The following CADM2 variants were observed in gnomAD, a reference collection of about 807,000 sequenced individuals.
CADM2 encodes the protein cell adhesion molecule 2, also known as immunoglobulin superfamily member 4D.
CADM2 carries 12 observed loss-of-function variants against 49.8 expected under a neutral mutation model. That is an observed-to-expected ratio of 0.24 (90% CI 0.15 to 0.39). The LOEUF is 0.39. Among genes scored for constraint, CADM2 ranks in the 10% least tolerant of loss-of-function variants. The pLI is 1.00. For synonymous variants in CADM2, 214 were observed against 175.4 expected (o/e 1.22, Z -1.74); for missense variants, 378 against 492.3 (o/e 0.77, Z 2.20).
At chr3:85,407,869 C>T (rs1233391853) in intron 1 of CADM2, among the ~76,000 whole-genome samples, 1 of 151,626 alleles carries the variant, frequency 6.6e-6, no homozygotes, top group Non-Finnish European at 1.5e-5. Flanking sequence ...ACTAGCCTGG[C>T]ATGATGGTGT....
chr3:85,460,874 C>T (rs12631046), intron 1 of CADM2, among the ~76,000 whole-genome samples: 117,573 of 151,952 alleles, frequency 0.77, 47,676 homozygotes, highest in East Asian at 0.95. Flanking sequence ...TAGAGAAAAG[C>T]ACTAAAGCAG....
At chr3:85,593,064 G>A (rs1337111068) in intron 1 of CADM2, among the ~76,000 whole-genome samples, 1 of 151,450 alleles carries the variant, frequency 6.6e-6, no homozygotes, top group Non-Finnish European at 1.5e-5. Flanking sequence ...CCTGCATTTC[G>A]GTTGCTATTT....
intron 3 of CADM2, among the ~76,000 whole-genome samples, chr3:85,861,377 G>C (rs546482888): frequency 6.6e-6 from 1 of 152,182 alleles, no homozygotes; most frequent in Non-Finnish European, 1.5e-5. Context: ...TTGAGAGAAA[G>C]ATAAGAGTTA....
At chr3:85,113,885 A>G (rs2038549782) in intron 1 of CADM2, among the ~76,000 whole-genome samples, 2 of 152,088 alleles carry the variant, frequency 1.3e-5, no homozygotes, top group Non-Finnish European at 2.9e-5. Flanking sequence ...TTCAAGTTTC[A>G]ATAGCTGTAA....
intron 8 of CADM2, among the ~76,000 whole-genome samples, chr3:85,989,440 C>A (rs1728495361): frequency 6.6e-6 from 1 of 151,968 alleles, no homozygotes; most frequent in Admixed American, 6.6e-5. Flanking sequence ...GGACAGGGGA[C>A]CAAAATTCAG....
intron 1 of CADM2, among the ~76,000 whole-genome samples, chr3:85,674,372 G>C (rs962738317): frequency 6.6e-6 from 1 of 152,072 alleles, no homozygotes; most frequent in African/African-American, 2.4e-5. Flanking sequence ...TGTTCTGACT[G>C]TCTAAAGAAT....
Position 86,068,740 on chromosome 3 carries a change from A to G in CADM2, c.*1957A>G, listed in dbSNP as rs1398906929. ...CTTTTTCAGAATATACAGAACATAA[A>G]TAATATGATGTGGTTGAGTGTTAAC... On this transcript the variant is annotated 3_prime_UTR_variant, in exon 10 of 10. Coordinates refer to ENST00000383699, the MANE Select transcript of CADM2 (RefSeq NM_001167675.2). The G allele has an allele frequency of 3.9e-5, 6 of 152,424 alleles. No homozygotes were observed. The highest frequency in any genetic ancestry group is 3.2e-3 in the Middle Eastern group (1 of 316). The allele number at this position is 152,424 out of a possible 1,614,324, so 9.4% of individuals were successfully genotyped here. A position where few individuals can be genotyped will look rare whatever the true frequency, so the allele number is the denominator to read the frequency against.
At chr3:85,269,497 G>T (rs1315416238) in intron 1 of CADM2, among the ~76,000 whole-genome samples, 1 of 151,356 alleles carries the variant, frequency 6.6e-6, no homozygotes, top group Non-Finnish European at 1.5e-5. Flanking sequence ...ATAAATCTGA[G>T]TATCTGTGGA....
intron 1 of CADM2, among the ~76,000 whole-genome samples, chr3:85,188,940 C>T (rs1011854240): frequency 6.6e-6 from 1 of 151,372 alleles, no homozygotes; most frequent in Non-Finnish European, 1.5e-5. Flanking sequence ...CTGAGGCAGG[C>T]GAATGGCGTG....
At position 86,068,596 on chromosome 3, in the gene CADM2, C is replaced by CA. The variant is rs1428651822; in HGVS notation, c.*1819dup. 1.3e-5 allele frequency: 2 copies of CA among 151,356 alleles called. No homozygotes were observed. Among genetic ancestry groups the CA allele is most frequent in the African/African-American group, 4.8e-5 (2 of 41,314 alleles). The allele number at this position is 151,356 out of a possible 1,614,324, so 9.4% of individuals were successfully genotyped here. ...GGGTGCTGTATCTTTGATTATTTAT[C>CA]AAAAAAGTATAAATCTTTTAAGGAA... On this transcript the variant is annotated 3_prime_UTR_variant, in exon 10 of 10. Transcript: ENST00000383699.
chr3:86,009,230 T>C (rs555111729), intron 8 of CADM2, among the ~76,000 whole-genome samples: 171 of 147,950 alleles, frequency 1.2e-3, no homozygotes, highest in African/African-American at 4.1e-3. Context: ...TATATATATA[T>C]ACATATATAT....
chr3:85,304,787 C>T (rs1402808867), intron 1 of CADM2, among the ~76,000 whole-genome samples: 2 of 151,810 alleles, frequency 1.3e-5, no homozygotes, highest in African/African-American at 2.4e-5. Context: ...TGGCAGTTCA[C>T]ATATATTACT....
chr3:85,775,463 C>A (rs2070314672), intron 2 of CADM2, among the ~76,000 whole-genome samples: 1 of 151,690 alleles, frequency 6.6e-6, no homozygotes, highest in Non-Finnish European at 1.5e-5. Context: ...AACAAATTTG[C>A]ATAGCATTCA....
chr3:85,034,949 C>T (rs1023708506), intron 1 of CADM2, among the ~76,000 whole-genome samples: 1 of 151,770 alleles, frequency 6.6e-6, no homozygotes, highest in Admixed American at 6.6e-5. Context: ...ATTACAATTG[C>T]CCACCACCAC....
chr3:85,147,191 C>T (rs1306443487), intron 1 of CADM2, among the ~76,000 whole-genome samples: 1 of 139,894 alleles, frequency 7.1e-6, no homozygotes. Flanking sequence ...AGGAGAAAGG[C>T]GAGAACCCGG....
intron 1 of CADM2, among the ~76,000 whole-genome samples, chr3:85,354,664 T>A (rs1036799330): frequency 8.6e-5 from 7 of 81,776 alleles, no homozygotes; most frequent in Non-Finnish European, 1.2e-4. Context: ...GTTGCTAAGA[T>A]CAGAAATATA....
At chr3:85,589,080 G>C (rs537498091) in intron 1 of CADM2, among the ~76,000 whole-genome samples, 10 of 152,148 alleles carry the variant, frequency 6.6e-5, no homozygotes, top group African/African-American at 2.4e-4. Flanking sequence ...ATGAGAGCCA[G>C]TCCTTAGAAA....
At chr3:85,503,878 TAGAG>T (rs2107669935) in intron 1 of CADM2, among the ~76,000 whole-genome samples, 1 of 152,274 alleles carries the variant, frequency 6.6e-6, no homozygotes, top group Non-Finnish European at 1.5e-5. Flanking sequence ...TTAATTCTCT[TAGAG>T]TGCACTGTGT....
At chr3:85,818,024 G>A (rs1419860769) in intron 3 of CADM2, among the ~76,000 whole-genome samples, 3 of 152,170 alleles carry the variant, frequency 2.0e-5, no homozygotes, top group East Asian at 1.9e-4. Context: ...TTCTATCTAG[G>A]AAGTTGAGAT....
Sources: allele counts gnomAD v4.1 joint callset (sites outside exome capture counted in the v4.1 genomes callset), GRCh38; gene constraint gnomAD v4.1.1; transcripts MANE v1.5; gene names NCBI Gene and HGNC (gene_info 2026-07-23, HGNC 2026-07-21).